The following TIAM1 variants were observed in gnomAD, a reference collection of about 807,000 sequenced individuals.
The protein encoded by TIAM1 is TIAM Rac1 associated GEF 1, also known as rho guanine nucleotide exchange factor TIAM1.
TIAM1 carries 65 observed loss-of-function variants against 163.5 expected under a neutral mutation model. The observed-to-expected ratio is 0.40, with a 90% CI of 0.33 to 0.49. The LOEUF is 0.49. Ranked by LOEUF, TIAM1 falls within the 20% of genes least tolerant of loss-of-function variation. TIAM1 has a pLI of 0.77. For missense variants in TIAM1, 1,789 were observed against 2,044.7 expected, an observed-to-expected ratio of 0.87 and a Z score of 2.41; for synonymous variants, 833 against 810.1, an observed-to-expected ratio of 1.03 and a Z score of -0.48.
chr21:31,121,112 C>A (rs2081985336), intron 27 of TIAM1, among the ~76,000 whole-genome samples: 1 of 152,092 alleles, frequency 6.6e-6, no homozygotes, highest in East Asian at 1.9e-4. Flanking sequence ...GGCAAAGGGG[C>A]ACTCAACTCC....
chr21:31,323,855 A>G (rs964441102), intron 2 of TIAM1, among the ~76,000 whole-genome samples: 24 of 151,850 alleles, frequency 1.6e-4, no homozygotes, highest in African/African-American at 5.8e-4. Flanking sequence ...CAAAAATTTA[A>G]AAATTAGCTG....
At chr21:31,311,095 G>A (rs1266491507) in intron 2 of TIAM1, among the ~76,000 whole-genome samples, 3 of 151,772 alleles carry the variant, frequency 2.0e-5, no homozygotes, top group Non-Finnish European at 2.9e-5. Flanking sequence ...GCTCGTTCCA[G>A]AACAAAGGAG....
intron 1 of TIAM1, among the ~76,000 whole-genome samples, chr21:31,526,316 T>C (rs1469113407): frequency 6.6e-6 from 1 of 151,860 alleles, no homozygotes; most frequent in African/African-American, 2.4e-5. Flanking sequence ...CTAAAAGAGG[T>C]CAAAGGCTCC....
At chr21:31,441,083 G>C (rs2044401992) in intron 2 of TIAM1, among the ~76,000 whole-genome samples, 1 of 152,128 alleles carries the variant, frequency 6.6e-6, no homozygotes, top group South Asian at 2.1e-4. Context: ...TAATCAGCTG[G>C]TCTTAACAGG....
chr21:31,301,887 T>C (rs1298571496), intron 2 of TIAM1, among the ~76,000 whole-genome samples: 2 of 148,230 alleles, frequency 1.3e-5, no homozygotes, highest in Non-Finnish European at 3.0e-5. Context: ...ATATATATAA[T>C]ATATATAAAA....
chr21:31,200,381 T>A (rs947500957), intron 12 of TIAM1, among the ~76,000 whole-genome samples: 10 of 152,142 alleles, frequency 6.6e-5, no homozygotes, highest in Non-Finnish European at 1.2e-4. Flanking sequence ...AACCTTAAAC[T>A]GAAAATCAGC....
intron 2 of TIAM1, among the ~76,000 whole-genome samples, chr21:31,361,272 T>G (rs940747594): frequency 6.6e-6 from 1 of 152,186 alleles, no homozygotes; most frequent in African/African-American, 2.4e-5. Context: ...ATGATTCCAC[T>G]GATATACAGT....
chr21:31,449,235 G>A (rs1254515601), intron 2 of TIAM1, among the ~76,000 whole-genome samples: 1 of 151,834 alleles, frequency 6.6e-6, no homozygotes, highest in Non-Finnish European at 1.5e-5. Flanking sequence ...AAAGTGCTGG[G>A]ATCACAGGTG....
chr21:31,299,033 A>G (rs1389359219), intron 2 of TIAM1, among the ~76,000 whole-genome samples: 1 of 152,202 alleles, frequency 6.6e-6, no homozygotes, highest in African/African-American at 2.4e-5. Context: ...GGAGTTTAAT[A>G]TACCTCATTA....
chr21:31,185,713 C>G (rs1200331468), intron 14 of TIAM1, among the ~76,000 whole-genome samples: 1 of 149,904 alleles, frequency 6.7e-6, no homozygotes, highest in Non-Finnish European at 1.5e-5. Context: ...TATACTATTA[C>G]ACACGAAAGT....
chr21:31,249,297 G>T (rs1422560971), intron 5 of TIAM1, among the ~76,000 whole-genome samples: 1 of 152,218 alleles, frequency 6.6e-6, no homozygotes, highest in Non-Finnish European at 1.5e-5. Context: ...CCATCTCCAA[G>T]TCAAGGAGAG....
intron 1 of TIAM1, among the ~76,000 whole-genome samples, chr21:31,510,894 T>TG (rs2047191722): frequency 6.6e-6 from 1 of 152,088 alleles, no homozygotes; most frequent in South Asian, 2.1e-4. Flanking sequence ...GAGGACATAT[T>TG]GGAGTAGGGT....
chr21:31,242,798 G>C (rs1198960726), intron 6 of TIAM1, among the ~76,000 whole-genome samples: 1 of 140,672 alleles, frequency 7.1e-6, no homozygotes, highest in Non-Finnish European at 1.5e-5. Context: ...TCTCAGAAAA[G>C]TCAGATCCAA....
intron 4 of TIAM1, among the ~76,000 whole-genome samples, chr21:31,258,535 A>G (rs2072254645): frequency 6.6e-6 from 1 of 152,202 alleles, no homozygotes; most frequent in Admixed American, 6.5e-5. Flanking sequence ...TTGAGGAAGT[A>G]AGAAAGATAT....
intron 2 of TIAM1, among the ~76,000 whole-genome samples, chr21:31,318,766 T>A (rs1160315270): frequency 6.6e-6 from 1 of 152,234 alleles, no homozygotes; most frequent in Non-Finnish European, 1.5e-5. Context: ...TTGATAATGT[T>A]ACTAGAAAGA....
chr21:31,270,455 A>G (rs1001258931), intron 3 of TIAM1, among the ~76,000 whole-genome samples: 2 of 152,176 alleles, frequency 1.3e-5, no homozygotes, highest in Non-Finnish European at 2.9e-5. Context: ...TCTTAATTTC[A>G]GACTATGATT....
chr21:31,426,888 G>T (rs892609954), intron 2 of TIAM1, among the ~76,000 whole-genome samples: 1 of 152,118 alleles, frequency 6.6e-6, no homozygotes, highest in African/African-American at 2.4e-5. Context: ...CTATGTTTTT[G>T]AGGGGCTTGG....
At chr21:31,432,276 T>C in intron 2 of TIAM1, among the ~76,000 whole-genome samples, 1 of 151,998 alleles carries the variant, frequency 6.6e-6, no homozygotes. Flanking sequence ...AATTTTTGTA[T>C]TTTTAGTGGA....
intron 14 of TIAM1, among the ~76,000 whole-genome samples, chr21:31,186,796 G>GA (rs939570474): frequency 5.3e-5 from 8 of 150,642 alleles, no homozygotes; most frequent in African/African-American, 1.5e-4. Context: ...ATTAAAAAAA[G>GA]AAAAAAAAAG....
Sources: allele counts gnomAD v4.1 joint callset (sites outside exome capture counted in the v4.1 genomes callset), GRCh38; gene constraint gnomAD v4.1.1; transcripts MANE v1.5; gene names NCBI Gene and HGNC (gene_info 2026-07-23, HGNC 2026-07-21).